CMTR1: variants seen among roughly 807,000 people sequenced by gnomAD.
The protein encoded by CMTR1 is cap-specific mRNA (nucleoside-2'-O-)-methyltransferase 1.
Under a neutral mutation model 107.0 loss-of-function variants are expected in CMTR1, and 39 were observed. That is an observed-to-expected ratio of 0.36 (90% CI 0.28 to 0.48). CMTR1 has a LOEUF of 0.48. Among genes scored for constraint, CMTR1 ranks in the 20% least tolerant of loss-of-function variants. CMTR1 has a pLI of 0.99. For synonymous variants in CMTR1, 366 were observed against 379.5 expected (o/e 0.96, Z 0.41); for missense variants, 672 against 1,064.9 (o/e 0.63, Z 5.14).
chr6:37,468,699 C>T (rs1297325702), intron 13 of CMTR1, among the ~76,000 whole-genome samples: 1 of 151,458 alleles, frequency 6.6e-6, no homozygotes, highest in Non-Finnish European at 1.5e-5. Context: ...GCCTGACCAA[C>T]ATGGTGAAAC....
intron 5 of CMTR1, among the ~76,000 whole-genome samples, chr6:37,450,574 A>G (rs893521359): frequency 6.6e-6 from 1 of 152,218 alleles, no homozygotes; most frequent in Non-Finnish European, 1.5e-5. Flanking sequence ...TGTAAGGCAG[A>G]TAAAATGTAT....
At chr6:37,461,910 C>A in intron 11 of CMTR1, 60 bp from the exon 12 acceptor site, 1 of 1,579,064 alleles carries the variant, frequency 6.3e-7, no homozygotes, top group Non-Finnish European at 8.7e-7. Context: ...CCCAAGACTA[C>A]TTCACCCATC....
chr6:37,457,902 T>C (rs1761329139), intron 8 of CMTR1, among the ~76,000 whole-genome samples: 1 of 152,170 alleles, frequency 6.6e-6, no homozygotes, highest in South Asian at 2.1e-4. Flanking sequence ...AGACTGGCTG[T>C]GAACAGATTA....
At chr6:37,479,592 C>T (rs1445912325) in intron 23 of CMTR1, among the ~76,000 whole-genome samples, 14 of 152,204 alleles carry the variant, frequency 9.2e-5, no homozygotes, top group Admixed American at 9.2e-4. Flanking sequence ...TGCTGAGGGC[C>T]CACAGCCCTG....
At chr6:37,426,362 T>C in the CMTR1 span, among the ~76,000 whole-genome samples, 1 of 152,210 alleles carries the variant, frequency 6.6e-6, no homozygotes, top group African/African-American at 2.4e-5. Flanking sequence ...GAATTTTTGT[T>C]GGAAATTGGA....
rs528091461 is a variant in CMTR1 at position 37,435,554 on chromosome 6, T to C, written c.-6-70T>C. The stretch of plus-strand genomic sequence containing the variant: ...TCTCATCCCATTGATGATTTACACT[T>C]TGGAATCCCTGCTGTGATCCCAGTG... On this transcript the variant is annotated intron_variant, in intron 1 of 23. Transcript: ENST00000373451. 2.0e-3 allele frequency: 3,007 copies of C among 1,509,144 alleles called. 11 individuals carry two copies. The highest frequency in any genetic ancestry group is 1.5e-3 in the Non-Finnish European group (1,744 of 1,125,472). 93.5% of individuals were successfully genotyped at this position (1,509,144 alleles called of 1,614,324 possible).
At chr6:37,449,588 C>A (rs1022630807) in intron 4 of CMTR1, among the ~76,000 whole-genome samples, 1 of 152,164 alleles carries the variant, frequency 6.6e-6, no homozygotes, top group South Asian at 2.1e-4. Context: ...GGATTACAGG[C>A]GTGAGCCACC....
intron 9 of CMTR1, among the ~76,000 whole-genome samples, chr6:37,459,260 GT>G (rs372074349): frequency 1.1e-4 from 17 of 152,372 alleles, no homozygotes; most frequent in African/African-American, 4.1e-4. Context: ...CAAATCCTAA[GT>G]CCTTTCTGAA....
At chr6:37,441,291 C>T (rs1463618304) in intron 2 of CMTR1, among the ~76,000 whole-genome samples, 2 of 152,156 alleles carry the variant, frequency 1.3e-5, no homozygotes, top group East Asian at 3.9e-4. Flanking sequence ...GGTCTTGAGC[C>T]ATTTAGAAGG....
At chr6:37,464,340 G>A (rs1445433392) in intron 13 of CMTR1, among the ~76,000 whole-genome samples, 10 of 151,852 alleles carry the variant, frequency 6.6e-5, no homozygotes, top group East Asian at 3.9e-4. Context: ...GGTGGCGGGC[G>A]CCTGTAGTCC....
upstream of CMTR1, among the ~76,000 whole-genome samples, chr6:37,430,997 A>G (rs988683334): frequency 9.8e-5 from 14 of 142,550 alleles, no homozygotes; most frequent in East Asian, 2.5e-3. Context: ...TGGGTGACAG[A>G]GCAAGACTCC....
chr6:37,428,387 T>A (rs1452486553), upstream of CMTR1, among the ~76,000 whole-genome samples: 1 of 152,184 alleles, frequency 6.6e-6, no homozygotes, highest in Non-Finnish European at 1.5e-5. Context: ...GTTGTTGTTA[T>A]CAGGCATTTA....
intron 2 of CMTR1, among the ~76,000 whole-genome samples, chr6:37,436,067 G>C (rs1296835170): frequency 6.6e-6 from 1 of 152,206 alleles, no homozygotes; most frequent in Admixed American, 6.5e-5. Context: ...AGCATTGAGT[G>C]CTGTGTGCCC....
chr6:37,481,068 C>G lies in CMTR1; in HGVS notation c.*923C>G. 7.7e-7 allele frequency: 1 copy of G among 1,304,290 alleles called. No homozygotes were observed. The highest frequency in any genetic ancestry group is 1.0e-6 in the Non-Finnish European group (1 of 988,940). 80.8% of individuals were successfully genotyped at this position (1,304,290 alleles called of 1,614,324 possible). A position where few individuals can be genotyped will look rare whatever the true frequency, so the allele number is the denominator to read the frequency against. ...TCTAGGGTCTTGGCAGAATTCTGAG[C>G]TTGAAGTGCAGCTCCCTTACTACCC... On this transcript the variant is annotated 3_prime_UTR_variant, in exon 24 of 24. Transcript: ENST00000373451.
chr6:37,477,163 G>A (rs1761755811), intron 20 of CMTR1, among the ~76,000 whole-genome samples: 1 of 152,242 alleles, frequency 6.6e-6, no homozygotes, highest in Non-Finnish European at 1.5e-5. Flanking sequence ...TATTAGGACT[G>A]TTTAGCAGTA....
chr6:37,464,891 G>GTTGTGTGTGT (rs1761473342), intron 13 of CMTR1, among the ~76,000 whole-genome samples: 5 of 86,994 alleles, frequency 5.7e-5, no homozygotes, highest in Non-Finnish European at 1.1e-4. Context: ...TTTCTAAAAC[G>GTTGTGTGTGT]CTGTGTGTGT....
chr6:37,481,005 C>T lies in CMTR1; in HGVS notation c.*860C>T, dbSNP rs1761843013. On this transcript the variant is annotated 3_prime_UTR_variant, in exon 24 of 24. Transcript: ENST00000373451. ...ACCTCCAGGGGTTTGGGTAGCGCTG[C>T]CCTCTGGCAGTCATGCACCGCTGTC... 3.1e-6 allele frequency: 4 copies of T among 1,302,310 alleles called. No homozygotes were observed. The African/African-American group carries it at 4.6e-5, about 15-fold the overall frequency. The allele number at this position is 1,302,310 out of a possible 1,614,324, so 80.7% of individuals were successfully genotyped here. A position where few individuals can be genotyped will look rare whatever the true frequency, so the allele number is the denominator to read the frequency against.
chr6:37,468,054 T>TGG (rs528737088), intron 13 of CMTR1, among the ~76,000 whole-genome samples: 1,792 of 137,088 alleles, frequency 0.013, 43 homozygotes, highest in East Asian at 0.084. Context: ...CTCTGTTTTG[T>TGG]GGGGGGGGGG....
intron 2 of CMTR1, among the ~76,000 whole-genome samples, chr6:37,441,061 C>T (rs1238979263): frequency 6.6e-6 from 1 of 152,188 alleles, no homozygotes; most frequent in African/African-American, 2.4e-5. Flanking sequence ...GCCCTGGATC[C>T]CTGGGCTGCC....
Sources: allele counts gnomAD v4.1 joint callset (sites outside exome capture counted in the v4.1 genomes callset), GRCh38; gene constraint gnomAD v4.1.1; transcripts MANE v1.5; gene names NCBI Gene and HGNC (gene_info 2026-07-23, HGNC 2026-07-21).